CENPC: variants seen among roughly 807,000 people sequenced by gnomAD.
The protein encoded by CENPC is CENP-C 1.
Under a neutral mutation model 112.1 loss-of-function variants are expected in CENPC, and 63 were observed. The ratio of observed to expected loss-of-function variants is 0.56; its 90% CI spans 0.46 to 0.69. The LOEUF (loss-of-function observed/expected upper bound fraction) is 0.69. CENPC is among the 30% of genes least tolerant of loss of function. The pLI is 0.00. For missense variants in CENPC, 1,000 were observed against 1,103.8 expected (o/e 0.91, Z 1.33); for synonymous variants, 333 against 367.6 (o/e 0.91, Z 1.08).
intron 2 of CENPC, among the ~76,000 whole-genome samples, chr4:67,541,660 G>A (rs1726893303): frequency 6.6e-6 from 1 of 152,110 alleles, no homozygotes; most frequent in Admixed American, 6.6e-5. Flanking sequence ...CAATGCTATT[G>A]TGATTTCTCC....
chr4:67,509,977 C>A (rs1725850053), intron 9 of CENPC, among the ~76,000 whole-genome samples: 1 of 152,076 alleles, frequency 6.6e-6, no homozygotes, highest in African/African-American at 2.4e-5. Flanking sequence ...AACCACAATT[C>A]CCAAAACCCC....
chr4:67,490,810 T>C (rs1173329584), intron 16 of CENPC, among the ~76,000 whole-genome samples: 5 of 145,474 alleles, frequency 3.4e-5, no homozygotes, highest in South Asian at 4.3e-4. Context: ...ATGTTAGTGA[T>C]CCTACAGACT....
At chr4:67,504,881 C>A in intron 12 of CENPC, 1 of 244,060 alleles carries the variant, frequency 4.1e-6, no homozygotes, top group South Asian at 1.3e-4. Flanking sequence ...TATAATGAAC[C>A]CAATACAACC....
At chr4:67,526,034 A>G (rs902603801) in intron 5 of CENPC, among the ~76,000 whole-genome samples, 1 of 152,188 alleles carries the variant, frequency 6.6e-6, no homozygotes, top group Non-Finnish European at 1.5e-5. Context: ...GACATGGATG[A>G]AGCTGGAAAC....
intron 5 of CENPC, among the ~76,000 whole-genome samples, chr4:67,522,296 A>C (rs1311985467): frequency 1.3e-5 from 2 of 152,248 alleles, no homozygotes; most frequent in Non-Finnish European, 2.9e-5. Context: ...TTGGCTGCAT[A>C]AAACAACTAT....
intron 17 of CENPC, among the ~76,000 whole-genome samples, chr4:67,481,670 C>A (rs905818435): frequency 1.3e-5 from 2 of 152,100 alleles, no homozygotes; most frequent in African/African-American, 2.4e-5. Context: ...CCCTATTCAA[C>A]AAATGGTGCT....
At chr4:67,485,194 T>C (rs1385979244) in intron 17 of CENPC, among the ~76,000 whole-genome samples, 1 of 152,096 alleles carries the variant, frequency 6.6e-6, no homozygotes, top group African/African-American at 2.4e-5. Flanking sequence ...GATTGAAGAA[T>C]CAAAGAAAGC....
At chr4:67,539,723 T>C in intron 4 of CENPC, 117 bp downstream of exon 4, 3 of 541,176 alleles carry the variant, frequency 5.5e-6, no homozygotes, top group South Asian at 2.9e-5. Context: ...TCAATGGGAA[T>C]ATAGAATTCC....
chr4:67,538,538 G>A (rs2109834013), intron 4 of CENPC, among the ~76,000 whole-genome samples: 1 of 152,332 alleles, frequency 6.6e-6, no homozygotes, highest in South Asian at 2.1e-4. Flanking sequence ...GTGACACACA[G>A]GGGAAATCCT....
chr4:67,532,121 A>G (rs1726569043), intron 4 of CENPC, among the ~76,000 whole-genome samples: 1 of 152,386 alleles, frequency 6.6e-6, no homozygotes, highest in South Asian at 2.1e-4. Context: ...GAAGACATCT[A>G]TGCAGCCAAC....
chr4:67,531,280 C>G (rs192070498), intron 4 of CENPC, among the ~76,000 whole-genome samples: 163 of 151,698 alleles, frequency 1.1e-3, no homozygotes, highest in African/African-American at 3.7e-3. Flanking sequence ...TTATTTTAAC[C>G]AGAAAAAAAA....
chr4:67,492,399 C>T, intron 15 of CENPC, 124 bp from the exon 16 acceptor site: 1 of 558,182 alleles, frequency 1.8e-6, no homozygotes, highest in Non-Finnish European at 3.1e-6. Context: ...GAAGTCTCTT[C>T]CTATTTATAA....
chr4:67,508,683 T>C (rs1725803668), intron 10 of CENPC, 131 bp downstream of exon 10: 1 of 792,514 alleles, frequency 1.3e-6, no homozygotes, highest in East Asian at 2.7e-5. Flanking sequence ...AGAGGCTGGA[T>C]TTAATACCAG....
intron 18 of CENPC, among the ~76,000 whole-genome samples, chr4:67,473,080 AC>A (rs756810724): frequency 4.3e-4 from 63 of 146,750 alleles, no homozygotes; most frequent in South Asian, 2.4e-3. Context: ...TTATTTATTT[AC>A]TTATTTTTTG....
Position 67,539,828 on chromosome 4 carries a change from T to C in CENPC, c.231+12A>G. The C allele has an allele frequency of 7.0e-7, 1 of 1,427,968 alleles. No individual in the cohort carries two copies. The highest frequency in any genetic ancestry group is 1.3e-5 in the South Asian group (1 of 76,068). 88.5% of individuals were successfully genotyped at this position (1,427,968 alleles called of 1,614,324 possible). A position where few individuals can be genotyped will look rare whatever the true frequency, so the allele number is the denominator to read the frequency against. The stretch of plus-strand genomic sequence containing the variant: ...AATATTAAACCTATACCAGCTCTTC[T>C]TTATCACTTACCTCTTTGCTTGGTG... On this transcript the variant is annotated intron_variant, in intron 4 of 18. Transcript: ENST00000273853.
At chr4:67,525,391 G>C (rs1726345739) in intron 5 of CENPC, among the ~76,000 whole-genome samples, 1 of 152,132 alleles carries the variant, frequency 6.6e-6, no homozygotes. Context: ...TACAGAATGG[G>C]AGAATATTTT....
chr4:67,506,839 G>T lies in CENPC; in HGVS notation c.2000C>A (p.Thr667Lys), dbSNP rs1725746473. The change falls in exon 11 of 19, where the codon ACA becomes AAA. Residue 667 changes from threonine to lysine, a missense_variant. Coordinates refer to ENST00000273853, the MANE Select transcript of CENPC (RefSeq NM_001812.4). ...QTSGYTCNIP[T>K]ESNLDSGEHK... ...CTCTCCAGAATCCAAGTTTGACTCT[G>T]TTGGTATATTACATGTATATCCACT... The T allele has an allele frequency of 6.2e-7, 1 of 1,611,940 alleles. No individual in the cohort carries two copies. Among genetic ancestry groups the T allele is most frequent in the Admixed American group, 1.7e-5 (1 of 59,770 alleles).
rs1726116958 is a variant in CENPC, at chr4:67,518,272, T to C, written c.714A>G (p.Lys238=). 4 of 1,560,272 alleles carry C rather than the reference T, an allele frequency of 2.6e-6. No individual in the cohort carries two copies. Among genetic ancestry groups the C allele is most frequent in the Non-Finnish European group, 3.5e-6 (4 of 1,152,620 alleles). Residue 238 remains lysine (K), a synonymous_variant, in exon 7 of 19, where the codon AAA becomes AAG. Transcript: ENST00000273853. ...EDKTSEGQER[K]PSGSSQNRIR... ...TTCTATTCTGAGATGATCCTGATGG[T>C]TTTCTTTCTTGTCCTTCCGATGTTT...
intron 16 of CENPC, among the ~76,000 whole-genome samples, chr4:67,491,464 TATATATATATATATATAG>T (rs1330506786): frequency 2.7e-4 from 18 of 66,362 alleles, no homozygotes; most frequent in African/African-American, 5.8e-4. Context: ...TATATATATA[TATATATATATATATATAG>T]AGAGAGAGAG....
Sources: allele counts gnomAD v4.1 joint callset (sites outside exome capture counted in the v4.1 genomes callset), GRCh38; gene constraint gnomAD v4.1.1; transcripts MANE v1.5; gene names NCBI Gene and HGNC (gene_info 2026-07-23, HGNC 2026-07-21).